Variants in DZIP1 observed in about 807,000 individuals in gnomAD.
DZIP1 encodes DAZ interacting zinc finger protein 1.
A neutral mutation model predicts 107.6 loss-of-function variants in DZIP1; 97 were observed. The observed-to-expected ratio is 0.90, with a 90% CI of 0.77 to 1.07. The LOEUF (loss-of-function observed/expected upper bound fraction) is 1.07. DZIP1 is among the 50% of genes least tolerant of loss of function. The pLI, the probability that DZIP1 is intolerant of heterozygous loss-of-function variation, is 0.00. For synonymous variants in DZIP1, 390 were observed against 386.4 expected (o/e 1.01, Z -0.11); for missense variants, 1,035 against 1,063.6 (o/e 0.97, Z 0.37).
chr13:95,633,219 G>T lies in DZIP1; in HGVS notation c.685+15C>A. ...GCAGGAAGAAAAGAGCTTTCAAACA[G>T]AACTCATTACTCACCAAAATGAGAA... On this transcript the variant is annotated intron_variant, in intron 6 of 22. Coordinates refer to ENST00000376829, the MANE Select transcript of DZIP1 (RefSeq NM_198968.4). 6.2e-7 allele frequency: 1 copy of T among 1,609,606 alleles called. No homozygotes were observed. Among genetic ancestry groups the T allele is most frequent in the Non-Finnish European group, 8.5e-7 (1 of 1,176,050 alleles).
intron 17 of DZIP1, 134 bp from the exon 18 acceptor site, chr13:95,590,066 C>G: frequency 7.9e-7 from 1 of 1,263,602 alleles, no homozygotes. Context: ...AAGCCAGACT[C>G]TAGGGTTGTT....
At chr13:95,611,049 A>T (rs1566392038) in intron 12 of DZIP1, among the ~76,000 whole-genome samples, 1 of 152,214 alleles carries the variant, frequency 6.6e-6, no homozygotes, top group Non-Finnish European at 1.5e-5. Flanking sequence ...AAGCTGAGGA[A>T]ACTGAGGCAG....
intron 5 of DZIP1, among the ~76,000 whole-genome samples, chr13:95,635,201 T>C (rs1877650106): frequency 8.1e-5 from 1 of 12,292 alleles, no homozygotes; most frequent in Non-Finnish European, 7.0e-4. Context: ...ATATTTCCTT[T>C]TTTTTTTTTT....
intron 11 of DZIP1, 74 bp downstream of exon 11, chr13:95,611,963 A>G: frequency 7.8e-6 from 12 of 1,543,690 alleles, no homozygotes; most frequent in Non-Finnish European, 1.0e-5. Context: ...CAAATGCTCT[A>G]AAGTAAAAAC....
intron 16 of DZIP1, among the ~76,000 whole-genome samples, chr13:95,591,823 G>A (rs571912516): frequency 3.3e-5 from 5 of 152,238 alleles, no homozygotes; most frequent in African/African-American, 1.2e-4. Context: ...TCCCAACAAG[G>A]GTTATTCTGG....
chr13:95,601,788 C>G (rs183545859), intron 14 of DZIP1, among the ~76,000 whole-genome samples: 2 of 152,306 alleles, frequency 1.3e-5, no homozygotes, highest in East Asian at 3.9e-4. Context: ...CCAAATGCCA[C>G]CGCTGTCCAC....
intron 10 of DZIP1, among the ~76,000 whole-genome samples, chr13:95,616,659 C>A (rs1429025057): frequency 6.6e-6 from 1 of 152,050 alleles, no homozygotes; most frequent in Admixed American, 6.5e-5. Context: ...ATCAGGTGAC[C>A]AGGACCCAGA....
At chr13:95,610,201 G>T (rs2139103256) in intron 12 of DZIP1, among the ~76,000 whole-genome samples, 1 of 152,048 alleles carries the variant, frequency 6.6e-6, no homozygotes, top group Non-Finnish European at 1.5e-5. Context: ...GCAGTCAGTA[G>T]GTTGTGCATA....
intron 11 of DZIP1, 89 bp downstream of exon 11, chr13:95,611,948 A>C (rs1034438867): frequency 1.3e-6 from 2 of 1,503,940 alleles, no homozygotes; most frequent in Admixed American, 4.3e-5. Context: ...ACCTTATACC[A>C]CTTACAAATG....
intron 19 of DZIP1, chr13:95,587,985 T>TAGAGGAGA (rs2044209424): frequency 5.0e-6 from 2 of 402,368 alleles, no homozygotes; most frequent in Non-Finnish European, 8.9e-6. Context: ...GCCTGTCTCC[T>TAGAGGAGA]CTAAACCCAA....
At chr13:95,604,578 G>A (rs2044717701) in intron 14 of DZIP1, among the ~76,000 whole-genome samples, 1 of 152,220 alleles carries the variant, frequency 6.6e-6, no homozygotes, top group Non-Finnish European at 1.5e-5. Context: ...GGGTCCCCAT[G>A]AACACATGCT....
chr13:95,604,891 T>C (rs1594677615), intron 14 of DZIP1, among the ~76,000 whole-genome samples: 1 of 152,236 alleles, frequency 6.6e-6, no homozygotes, highest in Non-Finnish European at 1.5e-5. Context: ...ACTTTTCTTA[T>C]ATATTCAATA....
In DZIP1 at chr13:95,630,075, C is replaced by T; in HGVS notation, c.724G>A (p.Glu242Lys). The change falls in exon 7 of 23, where the codon GAG becomes AAG. Residue 242 changes from glutamate (E) to lysine (K), a missense_variant. Transcript: ENST00000376829. ...AGCTCTTCCTTCAATACGACGATCT[C>T]ACTCCGGAGCTTCTCAATCTGTGCA... ...KNAQIEKLRS[E>K]IVVLKEELQL... 2 of 1,613,752 alleles carry T rather than the reference C, an allele frequency of 1.2e-6. No individual in the cohort carries two copies. The highest frequency in any genetic ancestry group is 8.5e-7 in the Non-Finnish European group (1 of 1,179,836).
At chr13:95,608,167 A>T (rs190970336) in intron 13 of DZIP1, among the ~76,000 whole-genome samples, 1,557 of 152,176 alleles carry the variant, frequency 0.01, 27 homozygotes, top group African/African-American at 0.035. Context: ...CTATTTTTTT[A>T]AATTATTTTT....
At chr13:95,643,890 C>A (rs990888408) in intron 1 of DZIP1, among the ~76,000 whole-genome samples, 192 bp from the exon 2 acceptor site, 3 of 152,212 alleles carry the variant, frequency 2.0e-5, no homozygotes, top group African/African-American at 7.2e-5. Flanking sequence ...CAGAGCTGAA[C>A]GTGGGGGTGG....
intron 12 of DZIP1, among the ~76,000 whole-genome samples, chr13:95,609,858 G>A (rs2139093119): frequency 6.6e-6 from 1 of 152,150 alleles, no homozygotes; most frequent in East Asian, 1.9e-4. Flanking sequence ...ATACACCCCA[G>A]TACCACCCCT....
At chr13:95,603,545 A>T (rs543635928) in intron 14 of DZIP1, among the ~76,000 whole-genome samples, 1 of 152,182 alleles carries the variant, frequency 6.6e-6, no homozygotes, top group African/African-American at 2.4e-5. Flanking sequence ...AGCCCAGGCA[A>T]CCTAAGCAAT....
chr13:95,622,360 G>C lies in DZIP1; in HGVS notation c.1093C>G (p.Gln365Glu). ...PYPQDFHNVM[Q>E]LLDSQESKWT... ...GCACGTACCTGACTATCAAGAAGCTGCATGACATTATGGAAATCCTGGGGA... is the reference window on the plus strand; with the variant it reads ...GCACGTACCTGACTATCAAGAAGCTCCATGACATTATGGAAATCCTGGGGA... The change falls in exon 9 of 23, where the codon CAG (glutamine) becomes GAG (glutamate). Residue 365 changes from glutamine to glutamate, a missense_variant. Coordinates refer to ENST00000376829, the MANE Select transcript of DZIP1 (RefSeq NM_198968.4). 1.9e-6 allele frequency: 3 copies of C among 1,614,186 alleles called. No individual in the cohort carries two copies. Among genetic ancestry groups the C allele is most frequent in the Non-Finnish European group, 2.5e-6 (3 of 1,180,024 alleles).
In DZIP1 at chr13:95,585,565, A is replaced by AGC. The variant is rs2044138665; in HGVS notation, c.2349+440_2349+441insGC. ...TCCTGGCTGTTAGAACCACTGGGAA[A>AGC]ATGTTTGGGCTTCTTCTCTAATGCA... On this transcript the variant is annotated intron_variant, in intron 21 of 22. Coordinates refer to ENST00000376829, the MANE Select transcript of DZIP1 (RefSeq NM_198968.4). Among the ~76,000 whole-genome samples, 3 of 152,282 alleles carry AGC rather than the reference A, an allele frequency of 2.0e-5. No homozygotes were observed. The South Asian group carries it at 6.2e-4, about 32-fold the overall frequency.
Sources: gnomAD v4.1 joint callset for allele counts (sites outside exome capture counted in the v4.1 genomes callset) on GRCh38, gnomAD v4.1.1 for gene constraint, MANE v1.5 for transcripts, NCBI Gene and HGNC (gene_info 2026-07-23, HGNC 2026-07-21) for gene names.